Variants in CDCA7 observed in about 807,000 individuals in gnomAD.
CDCA7 encodes cell division cycle-associated protein 7.
Under a neutral mutation model 54.0 loss-of-function variants are expected in CDCA7, and 28 were observed. The ratio of observed to expected loss-of-function variants is 0.52; its 90% confidence interval spans 0.38 to 0.71. The LOEUF (loss-of-function observed/expected upper bound fraction) is 0.71, where lower values mean the gene tolerates loss of function less well. CDCA7 is among the 30% of genes least tolerant of loss of function. The probability of loss-of-function intolerance (pLI) is 0.00; values close to 1 mark genes in which losing one functional copy is unlikely to be tolerated. For synonymous variants in CDCA7, 180 were observed against 208.2 expected (o/e 0.86, Z 1.16); for missense variants, 484 against 586.0 (o/e 0.83, Z 1.80).
At chr2:173,362,121 A>G (rs1259312634) in intron 3 of CDCA7, among the ~76,000 whole-genome samples, 1 of 152,108 alleles carries the variant, frequency 6.6e-6, no homozygotes, top group Non-Finnish European at 1.5e-5. Flanking sequence ...CCAGCCTTGC[A>G]TTGTGATTTT....
chr2:173,367,569 G>C, intron 9 of CDCA7, 65 bp from the exon 10 acceptor site: 4 of 1,576,554 alleles, frequency 2.5e-6, no homozygotes, highest in Non-Finnish European at 3.5e-6. Flanking sequence ...AATGAATTAG[G>C]CTTTCAAAAG....
At chr2:173,363,936 C>T in intron 5 of CDCA7, 41 bp downstream of exon 5, 1 of 1,544,320 alleles carries the variant, frequency 6.5e-7, no homozygotes, top group South Asian at 1.1e-5. Flanking sequence ...GTGTTTTGGG[C>T]ACACCTAAGG....
intron 3 of CDCA7, among the ~76,000 whole-genome samples, chr2:173,360,418 A>G (rs35715350): frequency 6.6e-6 from 1 of 152,150 alleles, no homozygotes; most frequent in Non-Finnish European, 1.5e-5. Flanking sequence ...AACTCATGAA[A>G]GGTTTTTGTT....
At chr2:173,367,099 TG>T in intron 8 of CDCA7, 50 bp from the exon 9 acceptor site, 1 of 1,532,396 alleles carries the variant, frequency 6.5e-7, no homozygotes, top group Non-Finnish European at 8.7e-7. Context: ...GATAAGTTGG[TG>T]GGGGAGGTAA....
chr2:173,364,758 T>C (rs369310070), intron 5 of CDCA7, 37 bp from the exon 6 acceptor site: 105 of 1,554,416 alleles, frequency 6.8e-5, no homozygotes, highest in Middle Eastern at 2.2e-4. Context: ...CTCTTTATTA[T>C]GGAATAAATG....
intron 3 of CDCA7, 89 bp from the exon 4 acceptor site, chr2:173,363,137 A>G (rs78771769): frequency 9.7e-6 from 12 of 1,231,372 alleles, no homozygotes; most frequent in African/African-American, 3.0e-5. Context: ...TTCATTTCAT[A>G]CAAGTGTCTC....
intron 1 of CDCA7, 74 bp from the exon 2 acceptor site, chr2:173,358,638 A>T: frequency 6.5e-7 from 1 of 1,527,836 alleles, no homozygotes; most frequent in South Asian, 1.3e-5. Flanking sequence ...AACCTACTAA[A>T]CTAAAAAAAA....
At chr2:173,358,522 C>A in intron 1 of CDCA7, 190 bp from the exon 2 acceptor site, 1 of 512,052 alleles carries the variant, frequency 2.0e-6, no homozygotes, top group Non-Finnish European at 3.4e-6. Context: ...AGAGCGAGAT[C>A]CTGCTTCTTA....
rs1468299081 is a variant in CDCA7, at chr2:173,367,675, A to T, written c.*11A>T. On this transcript the variant is annotated 3_prime_UTR_variant, in exon 10 of 10. Coordinates refer to ENST00000306721, the MANE Select transcript of CDCA7 (RefSeq NM_031942.5). Reference sequence around the variant, plus strand: ...GAAATGCAAGCATAATATCTGGAAAATTTGCTGCCTGCCTTCTACTTCTCA... The same window carrying T: ...GAAATGCAAGCATAATATCTGGAAATTTTGCTGCCTGCCTTCTACTTCTCA... 6.2e-7 allele frequency: 1 copy of T among 1,614,062 alleles called. No individual in the cohort carries two copies. The highest frequency in any genetic ancestry group is 1.7e-5 in the Admixed American group (1 of 60,016).
chr2:173,357,975 C>A (rs1226745119), intron 1 of CDCA7, among the ~76,000 whole-genome samples: 1 of 151,922 alleles, frequency 6.6e-6, no homozygotes. Flanking sequence ...CCGAGGCAGG[C>A]AGATCACGAG....
intron 3 of CDCA7, among the ~76,000 whole-genome samples, chr2:173,361,503 G>A (rs1367547280): frequency 2.8e-5 from 4 of 145,440 alleles, no homozygotes; most frequent in East Asian, 4.0e-4. Flanking sequence ...CCAGGCTGGC[G>A]TACAGTGGCA....
At chr2:173,356,579 C>T (rs1377904001) in intron 1 of CDCA7, among the ~76,000 whole-genome samples, 4 of 152,196 alleles carry the variant, frequency 2.6e-5, no homozygotes. Context: ...GGCACAGTCA[C>T]GGCTCACTGC....
Position 173,368,405 on chromosome 2 carries a change from TTTCAGTATAAAAC to T in CDCA7, c.*744_*756del, listed in dbSNP as rs1244534957. On this transcript the variant is annotated 3_prime_UTR_variant, in exon 10 of 10. Coordinates refer to ENST00000306721, the MANE Select transcript of CDCA7 (RefSeq NM_031942.5). ...AGATTATGAGTAAGCTGATTTGAAT[TTTCAGTATAAAAC>T]TTTAGTATAATTGTAGTTTGCAAAG... 6.6e-6 allele frequency: 1 copy of T among 152,224 alleles called. No homozygotes were observed. The highest frequency in any genetic ancestry group is 1.5e-5 in the Non-Finnish European group (1 of 68,042). The allele number at this position is 152,224 out of a possible 1,614,324, so 9.4% of individuals were successfully genotyped here. A position where few individuals can be genotyped will look rare whatever the true frequency, so the allele number is the denominator to read the frequency against.
rs112504790 is a variant in CDCA7 at position 173,365,999 on chromosome 2, A to G, written c.1036-284A>G. ...TTTACCACACCAGGCTAATTTTTAT[A>G]TTTTTAGTGGAGATGGGGTTTTGCC... On this transcript the variant is annotated intron_variant, in intron 7 of 9. Transcript: ENST00000306721. 4.2e-3 allele frequency among the ~76,000 whole-genome samples: 634 copies of G among 152,218 alleles called. 4 individuals are homozygous for G. The highest frequency in any genetic ancestry group is 0.025 in the South Asian group (123 of 4,826).
Position 173,367,244 on chromosome 2 carries a change from C to T in CDCA7, c.1280C>T (p.Ala427Val). 2 of 1,613,862 alleles carry T rather than the reference C, an allele frequency of 1.2e-6. No homozygotes were observed. The highest frequency in any genetic ancestry group is 1.3e-5 in the African/African-American group (1 of 74,986). The change falls in exon 9 of 10, where the codon GCC becomes GTC. Residue 427 changes from alanine (A) to valine (V), a missense_variant. Ala to Val is a moderately conservative substitution (Grantham distance 64). This residue lies in a region of CDCA7 where 83 missense variants were observed against 122.3 expected (regional missense o/e 0.68). Coordinates refer to ENST00000306721, the MANE Select transcript of CDCA7 (RefSeq NM_031942.5). ...GCGACTGGGGTCCTTGTGTATTTAG[C>T]CAAATATCATGGCTTTGGGAATGTG... ...RCATGVLVYL[A>V]KYHGFGNVHA...
chr2:173,366,159 A>T lies in CDCA7; in HGVS notation c.1036-124A>T. The T allele has an allele frequency of 9.0e-7, 1 of 1,113,332 alleles. No homozygotes were observed. Among genetic ancestry groups the T allele is most frequent in the Non-Finnish European group, 1.3e-6 (1 of 790,574 alleles). 69.0% of individuals were successfully genotyped at this position (1,113,332 alleles called of 1,614,324 possible). ...TTCATACCCTGGCATATACATGTGTATGTAGAGATTCATAGACAAAATGTA... is the reference window on the plus strand; with the variant it reads ...TTCATACCCTGGCATATACATGTGTTTGTAGAGATTCATAGACAAAATGTA... On this transcript the variant is annotated intron_variant, in intron 7 of 9. Transcript: ENST00000306721. The surrounding 1 kb of genome is among the most constrained non-coding windows in gnomAD (Gnocchi z 4.5).
Position 173,359,359 on chromosome 2 carries a change from T to A in CDCA7, c.252T>A (p.Asp84Glu), listed in dbSNP as rs370226744. The A allele has an allele frequency of 1.3e-5, 21 of 1,614,208 alleles. No individual in the cohort carries two copies. The highest frequency in any genetic ancestry group is 1.8e-5 in the Non-Finnish European group (21 of 1,180,044). The change falls in exon 3 of 10, where the codon GAT becomes GAA. Residue 84 changes from aspartate (D) to glutamate (E), a missense_variant. Physicochemically the swap from Asp to Glu is conservative, Grantham distance 45. This residue lies in a region of CDCA7 where 398 missense variants were observed against 447.4 expected (regional missense o/e 0.89). Coordinates refer to ENST00000306721, the MANE Select transcript of CDCA7 (RefSeq NM_031942.5). Reference sequence around the variant, plus strand: ...GCTTTTCAGAAAGTGAGGTGCAAGATGTATTAGACCATTGTGGATTTTTAC... The same window carrying A: ...GCTTTTCAGAAAGTGAGGTGCAAGAAGTATTAGACCATTGTGGATTTTTAC... ...FCGFSESEVQ[D>E]VLDHCGFLQK...
Position 173,367,764 on chromosome 2 carries a change from G to T in CDCA7, c.*100G>T, listed in dbSNP as rs1686750904. On this transcript the variant is annotated 3_prime_UTR_variant, in exon 10 of 10. Transcript: ENST00000306721. ...CCTGAGTTAAAAATCTTGATGATCA[G>T]CCTGTTTCATAAGAAACTCCAATCA... 8.1e-7 allele frequency: 1 copy of T among 1,241,592 alleles called. No homozygotes were observed. The highest frequency in any genetic ancestry group is 1.2e-5 in the South Asian group (1 of 82,518). The allele number at this position is 1,241,592 out of a possible 1,614,324, so 76.9% of individuals were successfully genotyped here. A position where few individuals can be genotyped will look rare whatever the true frequency, so the allele number is the denominator to read the frequency against.
At position 173,359,291 on chromosome 2, in the gene CDCA7, G is replaced by A. The variant is rs753722248; in HGVS notation, c.184G>A (p.Ala62Thr). The A allele has an allele frequency of 6.2e-7, 1 of 1,614,110 alleles. No homozygotes were observed. The highest frequency in any genetic ancestry group is 8.5e-7 in the Non-Finnish European group (1 of 1,180,006). The change falls in exon 3 of 10, where the codon GCA becomes ACA. Residue 62 changes from alanine to threonine, a missense_variant. By Grantham distance (58) the Ala-to-Thr change is moderately conservative. Around this residue, in one of 3 missense-constraint regions of CDCA7, gnomAD observed 398 missense variants for 447.4 expected, o/e 0.89. Coordinates refer to ENST00000306721, the MANE Select transcript of CDCA7 (RefSeq NM_031942.5). The part of the protein sequence containing the change: ...KFRSDISEEL[A>T]NVFYEDSDNE... ...CAGGTCAGATATCAGTGAAGAACTG[G>A]CAAATGTTTTTTATGAGGACTCTGA...
Sources: allele counts gnomAD v4.1 joint callset (sites outside exome capture counted in the v4.1 genomes callset), GRCh38; gene constraint gnomAD v4.1.1; regional missense constraint gnomAD v4.1.1; non-coding constraint Gnocchi (gnomAD v3.1); transcripts MANE v1.5; gene names NCBI Gene and HGNC (gene_info 2026-07-23, HGNC 2026-07-21).